The following PCDH15 variants were observed in gnomAD, a reference collection of about 807,000 sequenced individuals.
PCDH15 encodes protocadherin related 15, also known as protocadherin-15.
PCDH15 carries 129 observed loss-of-function variants against 178.5 expected under a neutral mutation model. The ratio of observed to expected loss-of-function variants is 0.72; its 90% CI spans 0.63 to 0.84. The LOEUF (loss-of-function observed/expected upper bound fraction) is 0.84. Among genes scored for constraint, PCDH15 ranks in the 40% least tolerant of loss-of-function variants. PCDH15 has a pLI of 0.00. For missense variants in PCDH15, 2,230 were observed against 2,099.9 expected, an observed-to-expected ratio of 1.06 and a Z score of -1.21; for synonymous variants, 800 against 732.0, an observed-to-expected ratio of 1.09 and a Z score of -1.50.
intron 2 of PCDH15, among the ~76,000 whole-genome samples, chr10:55,487,293 C>T (rs183651659): frequency 3.1e-4 from 47 of 151,792 alleles, no homozygotes; most frequent in African/African-American, 9.9e-4. Context: ...TCCACTTTCA[C>T]CCACTTCTGG....
chr10:54,882,054 T>C (rs1954273573), intron 3 of PCDH15, among the ~76,000 whole-genome samples: 1 of 152,120 alleles, frequency 6.6e-6, no homozygotes. Flanking sequence ...CTAAGACTGT[T>C]CATTTGATGA....
rs79651108 is a variant in PCDH15 at position 54,915,676 on chromosome 10, T to C, written c.-79-18176A>G. Among the ~76,000 whole-genome samples, 1,081 of 152,292 alleles carry C rather than the reference T, an allele frequency of 7.1e-3. 13 individuals are homozygous for C. The highest frequency in any genetic ancestry group is 0.025 in the African/African-American group (1,036 of 41,574). ...GAATAAGTTTTGAAAATCAAGTATA[T>C]TTCAAGGACAGGCCACTTCCAAATT... On this transcript the variant is annotated intron_variant, in intron 2 of 5. Transcript: ENST00000458638.
intron 10 of PCDH15, among the ~76,000 whole-genome samples, chr10:54,208,080 T>TA (rs1470486031): frequency 2.6e-5 from 4 of 151,574 alleles, no homozygotes; most frequent in Admixed American, 2.6e-4. Flanking sequence ...CTGCTAAGTT[T>TA]AAAAAAAAGG....
intron 1 of PCDH15, among the ~76,000 whole-genome samples, chr10:55,207,452 T>C (rs1840432668): frequency 6.6e-6 from 1 of 152,082 alleles, no homozygotes; most frequent in South Asian, 2.1e-4. Flanking sequence ...GGCTCCGTTA[T>C]TTAGCCAGTC....
At chr10:54,534,042 C>T (rs900467463) in intron 2 of PCDH15, among the ~76,000 whole-genome samples, 1 of 152,030 alleles carries the variant, frequency 6.6e-6, no homozygotes, top group African/African-American at 2.4e-5. Context: ...TATATTTTTA[C>T]AACAAGGACA....
chr10:54,101,726 G>A (rs1287411157), intron 15 of PCDH15, among the ~76,000 whole-genome samples: 2 of 152,058 alleles, frequency 1.3e-5, no homozygotes, highest in African/African-American at 4.8e-5. Context: ...CAGAGTTTTG[G>A]GAGACTGAGA....
intron 2 of PCDH15, among the ~76,000 whole-genome samples, chr10:55,107,537 G>A (rs1313317320): frequency 1.4e-5 from 2 of 139,350 alleles, no homozygotes; most frequent in Non-Finnish European, 3.0e-5. Context: ...TGTTGCCCAG[G>A]CTGGAGTGCA....
At chr10:54,739,108 A>C (rs929487084) in intron 1 of PCDH15, among the ~76,000 whole-genome samples, 5 of 152,060 alleles carry the variant, frequency 3.3e-5, no homozygotes, top group Non-Finnish European at 7.4e-5. Flanking sequence ...TAAAGGAAGA[A>C]GTCAAATTGT....
At chr10:54,329,811 T>C (rs1346411710) in intron 6 of PCDH15, 105 bp from the exon 7 acceptor site, 2 of 785,172 alleles carry the variant, frequency 2.5e-6, no homozygotes, top group East Asian at 5.0e-5. Flanking sequence ...GACATGCTTA[T>C]CATCTGAAAA....
intron 29 of PCDH15, among the ~76,000 whole-genome samples, chr10:53,834,487 C>A (rs1342168471): frequency 6.7e-6 from 1 of 150,096 alleles, no homozygotes; most frequent in Non-Finnish European, 1.5e-5. Flanking sequence ...AGAGATAGAT[C>A]TGCCCAAATC....
intron 2 of PCDH15, among the ~76,000 whole-genome samples, chr10:55,535,897 C>G (rs148173204): frequency 4.6e-5 from 7 of 152,058 alleles, no homozygotes; most frequent in Non-Finnish European, 8.8e-5. Context: ...TCAGACCATA[C>G]CTTATATATC....
chr10:54,919,407 C>A (rs1837426196), intron 2 of PCDH15, among the ~76,000 whole-genome samples: 1 of 152,148 alleles, frequency 6.6e-6, no homozygotes, highest in Admixed American at 6.5e-5. Context: ...AAGAATTTCA[C>A]CCACGTTTTG....
At chr10:54,218,853 C>G (rs1187924975) in intron 9 of PCDH15, among the ~76,000 whole-genome samples, 1 of 152,036 alleles carries the variant, frequency 6.6e-6, no homozygotes, top group Non-Finnish European at 1.5e-5. Flanking sequence ...AAGGAAAGTA[C>G]AATCAAGATG....
At chr10:55,431,120 G>C (rs1838871854) in intron 2 of PCDH15, among the ~76,000 whole-genome samples, 1 of 151,998 alleles carries the variant, frequency 6.6e-6, no homozygotes, top group African/African-American at 2.4e-5. Flanking sequence ...GAGAATTCTA[G>C]GATTTTGAGT....
intron 1 of PCDH15, among the ~76,000 whole-genome samples, chr10:55,225,443 G>A (rs1841004314): frequency 6.6e-6 from 1 of 152,054 alleles, no homozygotes; most frequent in Admixed American, 6.5e-5. Context: ...ACTTAATTTT[G>A]TATGATTAGA....
intron 2 of PCDH15, among the ~76,000 whole-genome samples, chr10:55,539,826 T>C (rs905685956): frequency 2.0e-5 from 3 of 152,110 alleles, no homozygotes; most frequent in Non-Finnish European, 2.9e-5. Context: ...TGTTGCATAA[T>C]AAGAGAAAAA....
At chr10:54,263,059 T>C (rs1360910579) in intron 8 of PCDH15, among the ~76,000 whole-genome samples, 7 of 150,372 alleles carry the variant, frequency 4.7e-5, no homozygotes, top group African/African-American at 1.0e-4. Flanking sequence ...GCATTTTCTT[T>C]GTCTCTACAC....
At chr10:54,421,678 A>G (rs1355372981) in intron 3 of PCDH15, among the ~76,000 whole-genome samples, 1 of 94,288 alleles carries the variant, frequency 1.1e-5, no homozygotes, top group South Asian at 3.0e-4. Context: ...ATACATATAT[A>G]TATATATATA....
intron 2 of PCDH15, among the ~76,000 whole-genome samples, chr10:55,555,982 C>T (rs1255362210): frequency 2.6e-5 from 4 of 152,056 alleles, no homozygotes; most frequent in Non-Finnish European, 4.4e-5. Context: ...TTGCTTTATA[C>T]TTAATGTATT....
Sources: gnomAD v4.1 joint callset for allele counts (sites outside exome capture counted in the v4.1 genomes callset) on GRCh38, gnomAD v4.1.1 for gene constraint, MANE v1.5 for transcripts, NCBI Gene and HGNC (gene_info 2026-07-23, HGNC 2026-07-21) for gene names.